TMEM132C: variants seen among roughly 807,000 people sequenced by gnomAD.
The protein encoded by TMEM132C is protein phosphatase 1, regulatory subunit 152.
In TMEM132C, 29 loss-of-function variants were observed where a neutral mutation model predicts 61.4. The ratio of observed to expected loss-of-function variants is 0.47; its 90% CI spans 0.35 to 0.64. The LOEUF is 0.64. Among genes scored for constraint, TMEM132C ranks in the 30% least tolerant of loss-of-function variants. The pLI is 0.00. For synonymous variants in TMEM132C, 656 were observed against 633.1 expected, an observed-to-expected ratio of 1.04 and a Z score of -0.54; for missense variants, 1,408 against 1,476.9, an observed-to-expected ratio of 0.95 and a Z score of 0.76.
intron 2 of TMEM132C, among the ~76,000 whole-genome samples, chr12:128,485,765 C>T (rs916593638): frequency 6.6e-6 from 1 of 152,174 alleles, no homozygotes; most frequent in African/African-American, 2.4e-5. Flanking sequence ...TAAGATGATG[C>T]GTTAAGCGGA....
At chr12:128,458,003 C>T (rs1161802250) in intron 2 of TMEM132C, among the ~76,000 whole-genome samples, 1 of 152,016 alleles carries the variant, frequency 6.6e-6, no homozygotes, top group Non-Finnish European at 1.5e-5. Context: ...ATTTAAAATA[C>T]AGTATGTCAA....
At chr12:128,542,365 G>A (rs1259143277) in intron 2 of TMEM132C, among the ~76,000 whole-genome samples, 9 of 152,094 alleles carry the variant, frequency 5.9e-5, no homozygotes, top group Non-Finnish European at 1.3e-4. Flanking sequence ...GAGTGCAGTG[G>A]CACGATCTCA....
At chr12:128,663,013 A>G (rs1954408370) in intron 4 of TMEM132C, among the ~76,000 whole-genome samples, 1 of 152,170 alleles carries the variant, frequency 6.6e-6, no homozygotes, top group Admixed American at 6.5e-5. Context: ...GGAGCCCAGA[A>G]TCGAAAGCCG....
At chr12:128,548,529 A>AG (rs1874043548) in intron 3 of TMEM132C, among the ~76,000 whole-genome samples, 1 of 152,184 alleles carries the variant, frequency 6.6e-6, no homozygotes, top group Non-Finnish European at 1.5e-5. Flanking sequence ...GTGATCATGT[A>AG]GGGCCCACTT....
At chr12:128,386,762 C>T (rs1018154071) in intron 1 of TMEM132C, among the ~76,000 whole-genome samples, 19 of 152,252 alleles carry the variant, frequency 1.2e-4, no homozygotes, top group East Asian at 3.9e-4. Context: ...GCTTTACATT[C>T]GCTCTGCTAG....
intron 2 of TMEM132C, among the ~76,000 whole-genome samples, chr12:128,516,944 G>A (rs957386677): frequency 6.0e-5 from 9 of 151,064 alleles, no homozygotes; most frequent in African/African-American, 9.7e-5. Flanking sequence ...TGAACTTGCC[G>A]GGCATGGTGG....
At chr12:128,447,705 CTTTT>C (rs767506039) in intron 2 of TMEM132C, among the ~76,000 whole-genome samples, 14 of 58,602 alleles carry the variant, frequency 2.4e-4, no homozygotes, top group African/African-American at 7.6e-4. Flanking sequence ...ATTTCAAGTG[CTTTT>C]TTTTTTTTTT....
intron 4 of TMEM132C, among the ~76,000 whole-genome samples, chr12:128,644,499 A>T (rs1182203100): frequency 6.6e-6 from 1 of 152,268 alleles, no homozygotes; most frequent in East Asian, 1.9e-4. Flanking sequence ...TGAAGCGTTT[A>T]AAAATTACAT....
intron 4 of TMEM132C, among the ~76,000 whole-genome samples, chr12:128,653,184 G>A (rs900813035): frequency 6.6e-6 from 1 of 150,762 alleles, no homozygotes; most frequent in African/African-American, 2.4e-5. Context: ...GCCACATGTT[G>A]TATGATTCCC....
rs530159184 is a variant in TMEM132C, at chr12:128,289,457, A to G, written c.85+21970A>G. Among the ~76,000 whole-genome samples, 4 of 152,340 alleles carry G rather than the reference A, an allele frequency of 2.6e-5. 1 individual carries two copies. The South Asian group carries it at 8.3e-4, about 32-fold the overall frequency. ...TGCGTGACTAACCAAAACAGTGAAT[A>G]TCTTCATTAGAGTTAATGGTAACTT... is the stretch of plus-strand genomic sequence containing the variant. On this transcript the variant is annotated intron_variant, in intron 1 of 8. Transcript: ENST00000435159.
chr12:128,473,996 C>T (rs1341342038), intron 2 of TMEM132C, among the ~76,000 whole-genome samples: 1 of 152,210 alleles, frequency 6.6e-6, no homozygotes, highest in Non-Finnish European at 1.5e-5. Flanking sequence ...GCCTGATGCT[C>T]TTGATAACAA....
At chr12:128,361,575 G>A (rs1873709798) in intron 1 of TMEM132C, among the ~76,000 whole-genome samples, 1 of 152,132 alleles carries the variant, frequency 6.6e-6, no homozygotes, top group African/African-American at 2.4e-5. Context: ...AGTGATTGCT[G>A]GGATCATGGG....
chr12:128,616,351 C>T lies in TMEM132C; in HGVS notation c.1305+16C>T, dbSNP rs1257427156. The T allele has an allele frequency of 6.5e-7, 1 of 1,543,984 alleles. No homozygotes were observed. On this transcript the variant is annotated intron_variant, in intron 4 of 8. Transcript: ENST00000435159. Reference sequence around the variant, plus strand: ...CTTGGCTATGGTGAGTCCTGAGTTACCTTGGATGCTCCTGCATTCAGCCAC... The same window carrying T: ...CTTGGCTATGGTGAGTCCTGAGTTATCTTGGATGCTCCTGCATTCAGCCAC...
chr12:128,475,317 T>G (rs755355977), intron 2 of TMEM132C, among the ~76,000 whole-genome samples: 6 of 152,238 alleles, frequency 3.9e-5, no homozygotes, highest in Non-Finnish European at 5.9e-5. Flanking sequence ...CTATTCCATT[T>G]ATACATAATT....
At chr12:128,478,832 G>A (rs1024236860) in intron 2 of TMEM132C, among the ~76,000 whole-genome samples, 68 of 152,202 alleles carry the variant, frequency 4.5e-4, no homozygotes, top group African/African-American at 1.4e-3. Context: ...GAGATCTCAC[G>A]ACAGCGCCTG....
At chr12:128,325,373 A>T (rs1247346018) in intron 1 of TMEM132C, among the ~76,000 whole-genome samples, 1 of 152,188 alleles carries the variant, frequency 6.6e-6, no homozygotes, top group Non-Finnish European at 1.5e-5. Context: ...TGCCAGCCCC[A>T]GTACAGATTA....
intron 3 of TMEM132C, among the ~76,000 whole-genome samples, chr12:128,612,710 T>A (rs1876676072): frequency 6.6e-6 from 1 of 152,258 alleles, no homozygotes; most frequent in Non-Finnish European, 1.5e-5. Flanking sequence ...AGTCACGTGT[T>A]ATTTTTATTC....
At position 128,534,963 on chromosome 12, in the gene TMEM132C, G is replaced by T. The variant is rs150182935; in HGVS notation, c.975-8994G>T. Among the ~76,000 whole-genome samples the T allele has an allele frequency of 2.4e-3, 363 of 152,310 alleles. 2 individuals carry two copies. Among genetic ancestry groups the T allele is most frequent in the African/African-American group, 8.4e-3 (348 of 41,570 alleles). On this transcript the variant is annotated intron_variant, in intron 2 of 8. Transcript: ENST00000435159. ...CTGAAATATTGAGAAAAATCCAAATGCAGAAAAAGCCAATTTCAAGCCAAG... is the reference window on the plus strand; with the variant it reads ...CTGAAATATTGAGAAAAATCCAAATTCAGAAAAAGCCAATTTCAAGCCAAG...
At chr12:128,524,583 A>G (rs189308774) in intron 2 of TMEM132C, among the ~76,000 whole-genome samples, 11 of 152,278 alleles carry the variant, frequency 7.2e-5, no homozygotes, top group Admixed American at 5.9e-4. Context: ...GGAAGCTACA[A>G]ACAGTAATTT....
Sources: gnomAD v4.1 joint callset for allele counts (sites outside exome capture counted in the v4.1 genomes callset) on GRCh38, gnomAD v4.1.1 for gene constraint, MANE v1.5 for transcripts, NCBI Gene and HGNC (gene_info 2026-07-23, HGNC 2026-07-21) for gene names.